ZNF526: variants seen among roughly 807,000 people sequenced by gnomAD.
ZNF526 encodes the protein zinc finger protein 526.
ZNF526 carries 16 observed loss-of-function variants against 32.4 expected under a neutral mutation model. That is an observed-to-expected ratio of 0.49 (90% confidence interval 0.33 to 0.75). The LOEUF (loss-of-function observed/expected upper bound fraction) is 0.75, where lower values mean the gene tolerates loss of function less well. Among genes scored for constraint, ZNF526 ranks in the 30% least tolerant of loss-of-function variants. The probability of loss-of-function intolerance (pLI) is 0.02; values close to 1 mark genes in which losing one functional copy is unlikely to be tolerated. For missense variants in ZNF526, 838 were observed against 920.7 expected, an observed-to-expected ratio of 0.91 and a Z score of 1.16; for synonymous variants, 355 against 363.4, an observed-to-expected ratio of 0.98 and a Z score of 0.26.
At position 42,225,952 on chromosome 19, in the gene ZNF526, C is replaced by T. The variant is rs768558184; in HGVS notation, c.1549C>T (p.Arg517Cys). 6.2e-6 allele frequency: 10 copies of T among 1,614,026 alleles called. No homozygotes were observed. The highest frequency in any genetic ancestry group is 2.2e-5 in the East Asian group (1 of 44,894). Residue 517 changes from arginine to cysteine, a missense_variant, in exon 3 of 3, where the codon CGC becomes TGC. Physicochemically the swap from Arg to Cys is radical, Grantham distance 180 (BLOSUM62 -3). Coordinates refer to ENST00000301215, the MANE Select transcript of ZNF526 (RefSeq NM_133444.3). The part of the protein sequence containing the change: ...KTFASLANLS[R>C]HQLTHTGARP... ...CTTTGCTTCTTTGGCCAACCTCAGC[C>T]GCCACCAGCTGACCCATACGGGTGC...
At position 42,226,044 on chromosome 19, in the gene ZNF526, G is replaced by C; in HGVS notation, c.1641G>C (p.Arg547=). 1 of 1,611,832 alleles carries C rather than the reference G, an allele frequency of 6.2e-7. No individual in the cohort carries two copies. The highest frequency in any genetic ancestry group is 8.5e-7 in the Non-Finnish European group (1 of 1,180,014). The change falls in exon 3 of 3, where the codon CGG becomes CGC. Residue 547 remains arginine (R), a synonymous_variant. Transcript: ENST00000301215. The part of the protein sequence containing the change: ...FTQSSNLQQH[R]RLHLRPVAFA... The stretch of plus-strand genomic sequence containing the variant: ...AGAGCTCCAACCTGCAGCAGCACCG[G>C]CGGTTGCACTTGCGGCCAGTCGCCT...
In ZNF526 at chr19:42,227,050, CTGAG is replaced by C. The variant is rs2036188356; in HGVS notation, c.*637_*640del. The stretch of plus-strand genomic sequence containing the variant: ...CGCACAAGTACAGATAGCTTGCTCT[CTGAG>C]TGTGTCTCATTGATTCATTCAGCCT... On this transcript the variant is annotated 3_prime_UTR_variant, in exon 3 of 3. Coordinates refer to ENST00000301215, the MANE Select transcript of ZNF526 (RefSeq NM_133444.3). 1 of 184,662 alleles carries C rather than the reference CTGAG, an allele frequency of 5.4e-6. No individual in the cohort carries two copies. Among genetic ancestry groups the C allele is most frequent in the Non-Finnish European group, 1.3e-5 (1 of 76,882 alleles). 11.4% of individuals were successfully genotyped at this position (184,662 alleles called of 1,614,324 possible).
chr19:42,228,047 T>C lies in ZNF526; in HGVS notation c.*1631T>C, dbSNP rs1355657633. 1.3e-5 allele frequency: 2 copies of C among 151,936 alleles called. No individual in the cohort carries two copies. Among genetic ancestry groups the C allele is most frequent in the African/African-American group, 2.4e-5 (1 of 41,354 alleles). The allele number at this position is 151,936 out of a possible 1,614,324, so 9.4% of individuals were successfully genotyped here. ...TTGTCTCTATTAAAAATAAAAATGA[T>C]TGGCCGAGCATGGTGGTGCACACCA... On this transcript the variant is annotated 3_prime_UTR_variant, in exon 3 of 3. Coordinates refer to ENST00000301215, the MANE Select transcript of ZNF526 (RefSeq NM_133444.3).
intron 1 of ZNF526, among the ~76,000 whole-genome samples, chr19:42,222,544 G>C (rs2036134299): frequency 6.6e-6 from 1 of 152,228 alleles, no homozygotes; most frequent in African/African-American, 2.4e-5. Context: ...TGTACTCTGA[G>C]TCCCTGCTGT....
In ZNF526 at chr19:42,225,162, C is replaced by T. The variant is rs1232150773; in HGVS notation, c.759C>T (p.Ala253=). ...EDDEEMEDEE[A]MAEVGDDAVG... ...ATGAAGAGATGGAGGATGAGGAGGCCATGGCAGAGGTCGGTGATGATGCTG... is the reference window on the plus strand; with the variant it reads ...ATGAAGAGATGGAGGATGAGGAGGCTATGGCAGAGGTCGGTGATGATGCTG... Residue 253 remains alanine (A), a synonymous_variant, in exon 3 of 3, where the codon GCC becomes GCT. Coordinates refer to ENST00000301215, the MANE Select transcript of ZNF526 (RefSeq NM_133444.3). The T allele has an allele frequency of 1.2e-6, 2 of 1,614,128 alleles. No individual in the cohort carries two copies. Among genetic ancestry groups the T allele is most frequent in the South Asian group, 2.2e-5 (2 of 91,088 alleles).
In ZNF526 at chr19:42,225,580, G is replaced by A. The variant is rs777970900; in HGVS notation, c.1177G>A (p.Gly393Ser). The A allele has an allele frequency of 8.1e-6, 13 of 1,608,262 alleles. No homozygotes were observed. The highest frequency in any genetic ancestry group is 5.0e-5 in the Admixed American group (3 of 59,860). The change falls in exon 3 of 3, where the codon GGC becomes AGC. Residue 393 changes from glycine (G) to serine (S), a missense_variant. By Grantham distance (56) the Gly-to-Ser change is moderately conservative. Coordinates refer to ENST00000301215, the MANE Select transcript of ZNF526 (RefSeq NM_133444.3). ...CAACCCATTGCATCGCTGTCGTTGC[G>A]GCAAGACGTTCAGCAACATGACCAA... ...TANPLHRCRC[G>S]KTFSNMTKFL... is the part of the protein sequence containing the mutation.
chr19:42,224,521 A>G lies in ZNF526; in HGVS notation c.118A>G (p.Met40Val), dbSNP rs2036153539. ...MMEMSTEVTE[M>V]TPGEALASSL... ...GGAGATGTCAACAGAAGTGACTGAG[A>G]TGACACCTGGGGAGGCCCTTGCCTC... The change falls in exon 3 of 3, where the codon ATG becomes GTG. Residue 40 changes from methionine (M) to valine (V), a missense_variant. By Grantham distance (21) the Met-to-Val change is conservative. Transcript: ENST00000301215. The G allele has an allele frequency of 1.2e-6, 2 of 1,614,232 alleles. No homozygotes were observed. Among genetic ancestry groups the G allele is most frequent in the African/African-American group, 1.3e-5 (1 of 75,060 alleles).
At chr19:42,222,244 G>A (rs2036132308) in intron 1 of ZNF526, among the ~76,000 whole-genome samples, 2 of 151,780 alleles carry the variant, frequency 1.3e-5, no homozygotes, top group Admixed American at 1.3e-4. Flanking sequence ...GCACCACCAC[G>A]CCCAGCTAAT....
At chr19:42,220,792 A>G (rs1184585107) in intron 1 of ZNF526, among the ~76,000 whole-genome samples, 3 of 152,188 alleles carry the variant, frequency 2.0e-5, no homozygotes, top group Non-Finnish European at 4.4e-5. Context: ...TAGACGAGGA[A>G]AGGGCAAATT....
At position 42,225,671 on chromosome 19, in the gene ZNF526, C is replaced by T; in HGVS notation, c.1268C>T (p.Pro423Leu). Residue 423 changes from proline (P) to leucine (L), a missense_variant, in exon 3 of 3, where the codon CCC (proline) becomes CTC (leucine). Physicochemically the swap from Pro to Leu is moderately conservative, Grantham distance 98. Transcript: ENST00000301215. ...SGAPPTGATAPPAPAEPTPPP... is the reference protein window; with the variant it reads ...SGAPPTGATALPAPAEPTPPP... ...GCACCTCCCACAGGAGCAACAGCTC[C>T]CCCAGCTCCAGCGGAGCCCACCCCT... is the stretch of plus-strand genomic sequence containing the variant. 6.2e-7 allele frequency: 1 copy of T among 1,613,262 alleles called. No homozygotes were observed. The highest frequency in any genetic ancestry group is 8.5e-7 in the Non-Finnish European group (1 of 1,179,694).
rs2036108470 is a variant in ZNF526, at chr19:42,220,406, GC to G, written c.-109+20del. ...GAAACGGGTGAGGGCGCCGCGCGGG[GC>G]TGGACTGGGAAGAGAACGCTGGGCG... On this transcript the variant is annotated intron_variant, in intron 1 of 2. Transcript: ENST00000301215. The G allele has an allele frequency of 6.5e-6, 1 of 153,028 alleles. No individual in the cohort carries two copies. The highest frequency in any genetic ancestry group is 2.4e-5 in the African/African-American group (1 of 41,470). The allele number at this position is 153,028 out of a possible 1,614,324, so 9.5% of individuals were successfully genotyped here.
Position 42,226,595 on chromosome 19 carries a change from T to C in ZNF526, c.*179T>C. On this transcript the variant is annotated 3_prime_UTR_variant, in exon 3 of 3. Coordinates refer to ENST00000301215, the MANE Select transcript of ZNF526 (RefSeq NM_133444.3). ...CCCTTCCAGGCTTCTCTTGTCATCTTTCTCTGCCTGAGGGGAAACTGAAGC... is the reference window on the plus strand; with the variant it reads ...CCCTTCCAGGCTTCTCTTGTCATCTCTCTCTGCCTGAGGGGAAACTGAAGC... 1.2e-6 allele frequency: 1 copy of C among 802,122 alleles called. No homozygotes were observed. The highest frequency in any genetic ancestry group is 2.1e-6 in the Non-Finnish European group (1 of 474,206). 49.7% of individuals were successfully genotyped at this position (802,122 alleles called of 1,614,324 possible).
At chr19:42,221,655 A>G (rs978269643) in intron 1 of ZNF526, among the ~76,000 whole-genome samples, 2 of 151,896 alleles carry the variant, frequency 1.3e-5, no homozygotes, top group African/African-American at 4.8e-5. Flanking sequence ...AATAAAATAA[A>G]TAAAAATAAA....
Position 42,224,465 on chromosome 19 carries a change from A to T in ZNF526, c.62A>T (p.Glu21Val), listed in dbSNP as rs759917688. ...ACACAGATGTCACCAGGGGCAGTGGAGATGTCAACACCTATGTCGGCAGAG... is the reference window on the plus strand; with the variant it reads ...ACACAGATGTCACCAGGGGCAGTGGTGATGTCAACACCTATGTCGGCAGAG... ...MPTQMSPGAVEMSTPMSAEMM... is the reference protein window; with the variant it reads ...MPTQMSPGAVVMSTPMSAEMM... Residue 21 changes from glutamate to valine, a missense_variant, in exon 3 of 3, where the codon GAG (glutamate) becomes GTG (valine). Physicochemically the swap from Glu to Val is moderately radical, Grantham distance 121 (BLOSUM62 -2). Transcript: ENST00000301215. The T allele has an allele frequency of 1.2e-6, 2 of 1,614,126 alleles. No homozygotes were observed. The highest frequency in any genetic ancestry group is 2.2e-5 in the South Asian group (2 of 91,078).
intron 1 of ZNF526, among the ~76,000 whole-genome samples, chr19:42,223,910 G>A (rs1407624491): frequency 2.0e-5 from 3 of 146,634 alleles, no homozygotes; most frequent in Non-Finnish European, 4.5e-5. Flanking sequence ...AAGGCGGGTG[G>A]ATCACCTGAG....
chr19:42,225,449 A>G lies in ZNF526; in HGVS notation c.1046A>G (p.Gln349Arg), dbSNP rs1249373651. The change falls in exon 3 of 3, where the codon CAG (glutamine) becomes CGG (arginine). Residue 349 changes from glutamine (Q) to arginine (R), a missense_variant. Gln to Arg is a conservative substitution (Grantham distance 43). Coordinates refer to ENST00000301215, the MANE Select transcript of ZNF526 (RefSeq NM_133444.3). ...KVFKKAASLE[Q>R]HLRLHRGEAR... The stretch of plus-strand genomic sequence containing the variant: ...TTCAAGAAAGCAGCATCGCTTGAGC[A>G]GCACTTGCGGCTGCATCGCGGGGAA... 6.2e-7 allele frequency: 1 copy of G among 1,614,094 alleles called. No homozygotes were observed. The highest frequency in any genetic ancestry group is 1.7e-5 in the Admixed American group (1 of 60,014).
chr19:42,226,511 A>T lies in ZNF526; in HGVS notation c.*95A>T. ...ACCTCCTCTGACAAACTGGTCTGGT[A>T]CCCACCATGTGCCAGGATCCACCCT... On this transcript the variant is annotated 3_prime_UTR_variant, in exon 3 of 3. Transcript: ENST00000301215. 1 of 1,563,972 alleles carries T rather than the reference A, an allele frequency of 6.4e-7. No individual in the cohort carries two copies.
intron 1 of ZNF526, among the ~76,000 whole-genome samples, chr19:42,221,368 C>G (rs944374763): frequency 6.6e-6 from 1 of 152,064 alleles, no homozygotes; most frequent in Non-Finnish European, 1.5e-5. Context: ...TGTGGTGGCT[C>G]ACACCTGTAA....
Position 42,225,687 on chromosome 19 carries a change from G to GCCCCCCCCCCCCC in ZNF526, c.1287_1288insCCCCCCCCCCCCC (p.Thr430ProfsTer44). The GCCCCCCCCCCCCC allele has an allele frequency of 6.2e-7, 1 of 1,610,634 alleles. No homozygotes were observed. The highest frequency in any genetic ancestry group is 8.5e-7 in the Non-Finnish European group (1 of 1,178,342). On this transcript the variant is annotated frameshift_variant, in exon 3 of 3. Transcript: ENST00000301215. LOFTEE classifies it high-confidence loss of function. ...CAACAGCTCCCCCAGCTCCAGCGGA[G>GCCCCCCCCCCCCC]CCCACCCCTCCACCACCACCCCCTG...
Sources: allele counts gnomAD v4.1 joint callset (sites outside exome capture counted in the v4.1 genomes callset), GRCh38; gene constraint gnomAD v4.1.1; transcripts MANE v1.5; gene names NCBI Gene and HGNC (gene_info 2026-07-23, HGNC 2026-07-21).